LINGO2: variants seen among roughly 807,000 people sequenced by gnomAD.
LINGO2 encodes the protein leucine rich repeat and Ig domain containing 2, also known as leucine-rich repeat and immunoglobulin-like domain-containing nogo receptor-interacting protein 2.
Under a neutral mutation model 30.6 loss-of-function variants are expected in LINGO2, and 14 were observed. The observed-to-expected ratio is 0.46, with a 90% CI of 0.30 to 0.72. LINGO2 has a LOEUF of 0.72. LINGO2 is among the 30% of genes least tolerant of loss of function. The pLI is 0.07. For synonymous variants in LINGO2, 317 were observed against 288.5 expected, an observed-to-expected ratio of 1.10 and a Z score of -1.00; for missense variants, 729 against 751.7, an observed-to-expected ratio of 0.97 and a Z score of 0.35.
intron 3 of LINGO2, among the ~76,000 whole-genome samples, chr9:28,348,035 G>A (rs1340457946): frequency 1.3e-5 from 2 of 152,114 alleles, no homozygotes; most frequent in African/African-American, 4.8e-5. Flanking sequence ...TATTTTAGAA[G>A]CTTTCTAGGT....
the LINGO2 span, among the ~76,000 whole-genome samples, chr9:28,746,755 T>C: frequency 1.3e-5 from 2 of 152,068 alleles, no homozygotes; most frequent in African/African-American, 2.4e-5. Flanking sequence ...AGACAAACAA[T>C]AGCAACTGTG....
intron 1 of LINGO2, among the ~76,000 whole-genome samples, chr9:28,527,967 T>G (rs1309467787): frequency 6.6e-6 from 1 of 152,188 alleles, no homozygotes; most frequent in Non-Finnish European, 1.5e-5. Context: ...TAGGGTCATT[T>G]GCAACTTACT....
the LINGO2 span, among the ~76,000 whole-genome samples, chr9:28,803,465 TG>T: frequency 2.0e-5 from 3 of 151,854 alleles, no homozygotes; most frequent in Non-Finnish European, 4.4e-5. Context: ...ATGATAATTC[TG>T]AACAAAGAGT....
the LINGO2 span, among the ~76,000 whole-genome samples, chr9:28,931,544 T>G: frequency 6.6e-6 from 1 of 152,188 alleles, no homozygotes; most frequent in Non-Finnish European, 1.5e-5. Context: ...GGCTGTACTT[T>G]CCACATTTGT....
At chr9:28,179,530 C>G (rs1349089463) in intron 4 of LINGO2, among the ~76,000 whole-genome samples, 2 of 72,280 alleles carry the variant, frequency 2.8e-5, no homozygotes, top group African/African-American at 1.1e-4. Context: ...TATATATAAA[C>G]TATATATAGT....
At chr9:28,019,388 T>C (rs2247555) in intron 4 of LINGO2, among the ~76,000 whole-genome samples, 150,157 of 151,494 alleles carry the variant, frequency 0.99, 74,432 homozygotes, top group Middle Eastern at 1. Flanking sequence ...AACTAGTGAG[T>C]GCTGGGTAGG....
chr9:28,901,365 A>T, the LINGO2 span, among the ~76,000 whole-genome samples: 1 of 152,154 alleles, frequency 6.6e-6, no homozygotes, highest in African/African-American at 2.4e-5. Flanking sequence ...AACACAAAAC[A>T]TATTAAAGTA....
intron 4 of LINGO2, among the ~76,000 whole-genome samples, chr9:28,127,385 C>T (rs920751582): frequency 1.3e-5 from 2 of 152,198 alleles, no homozygotes; most frequent in Non-Finnish European, 2.9e-5. Context: ...ACATCAGCCT[C>T]AGTCAAGATG....
chr9:28,216,468 C>T (rs941531961), intron 4 of LINGO2, among the ~76,000 whole-genome samples: 1 of 151,778 alleles, frequency 6.6e-6, no homozygotes, highest in Non-Finnish European at 1.5e-5. Flanking sequence ...CTTATATATC[C>T]ATCTCTACAG....
chr9:28,788,539 A>G, the LINGO2 span, among the ~76,000 whole-genome samples: 1 of 152,152 alleles, frequency 6.6e-6, no homozygotes, highest in Non-Finnish European at 1.5e-5. Context: ...CGCTATAGAG[A>G]ATTGCCCAAG....
the LINGO2 span, among the ~76,000 whole-genome samples, chr9:28,687,563 C>T: frequency 0.081 from 12,277 of 151,958 alleles, 750 homozygotes; most frequent in Admixed American, 0.22. Flanking sequence ...GTCAGCAGTC[C>T]TCACTACTCA....
At chr9:28,105,908 A>G (rs1414129824) in intron 4 of LINGO2, among the ~76,000 whole-genome samples, 1 of 152,056 alleles carries the variant, frequency 6.6e-6, no homozygotes, top group Non-Finnish European at 1.5e-5. Context: ...TCTTGTTTAA[A>G]TCAGGGGTCC....
intron 4 of LINGO2, among the ~76,000 whole-genome samples, chr9:28,229,392 CAATTTTAATA>C (rs1405467740): frequency 6.6e-6 from 1 of 151,226 alleles, no homozygotes; most frequent in Non-Finnish European, 1.5e-5. Flanking sequence ...AAAATAAAGA[CAATTTTAATA>C]TACCTTGTTT....
chr9:28,229,142 A>G (rs1228246240), intron 4 of LINGO2, among the ~76,000 whole-genome samples: 1 of 151,824 alleles, frequency 6.6e-6, no homozygotes, highest in Non-Finnish European at 1.5e-5. Flanking sequence ...TTCTAAACAT[A>G]ACATACATAT....
chr9:28,076,684 G>C (rs1340651696), intron 4 of LINGO2, among the ~76,000 whole-genome samples: 6 of 152,014 alleles, frequency 3.9e-5, no homozygotes, highest in Non-Finnish European at 7.4e-5. Flanking sequence ...ATTCTGGAAT[G>C]GAATTTATTT....
At chr9:28,035,205 C>T (rs977081333) in intron 4 of LINGO2, among the ~76,000 whole-genome samples, 1 of 152,220 alleles carries the variant, frequency 6.6e-6, no homozygotes, top group Non-Finnish European at 1.5e-5. Context: ...CAGCATACTG[C>T]TAACTCGGTT....
At chr9:28,228,891 A>G (rs1239007991) in intron 4 of LINGO2, among the ~76,000 whole-genome samples, 3 of 151,808 alleles carry the variant, frequency 2.0e-5, no homozygotes, top group Admixed American at 2.0e-4. Flanking sequence ...GTGTCTCCTT[A>G]AAACATTTCC....
At chr9:28,880,979 T>C in the LINGO2 span, among the ~76,000 whole-genome samples, 2 of 152,104 alleles carry the variant, frequency 1.3e-5, no homozygotes, top group Admixed American at 6.6e-5. Context: ...GACCTTCTCC[T>C]TATTATCACC....
chr9:28,148,634 A>G lies in LINGO2; in HGVS notation c.-86-136229T>C. On this transcript the variant is annotated intron_variant, in intron 4 of 5. Coordinates refer to ENST00000379992, the Ensembl canonical transcript of LINGO2. The surrounding 1 kb of genome is among the most constrained non-coding windows in gnomAD (Gnocchi z 5.1). The stretch of plus-strand genomic sequence containing the variant: ...GGGAAATGTCCACCTCAAGAGCTTG[A>G]CAGAAAACAACCAGACTGACAAGGC... 2 of 1,529,184 alleles carry G rather than the reference A, an allele frequency of 1.3e-6. No individual in the cohort carries two copies. The highest frequency in any genetic ancestry group is 1.4e-5 in the African/African-American group (1 of 73,010). 94.7% of individuals were successfully genotyped at this position (1,529,184 alleles called of 1,614,324 possible). A position where few individuals can be genotyped will look rare whatever the true frequency, so the allele number is the denominator to read the frequency against.
Sources: gnomAD v4.1 joint callset for allele counts (sites outside exome capture counted in the v4.1 genomes callset) on GRCh38, gnomAD v4.1.1 for gene constraint, Gnocchi (gnomAD v3.1) non-coding constraint, MANE v1.5 for transcripts, NCBI Gene and HGNC (gene_info 2026-07-23, HGNC 2026-07-21) for gene names.